RALGAPA2: variants seen among roughly 807,000 people sequenced by gnomAD.
RALGAPA2 encodes the protein ral GTPase-activating protein subunit alpha-2.
A neutral mutation model predicts 230.4 loss-of-function variants in RALGAPA2; 139 were observed. The ratio of observed to expected loss-of-function variants is 0.60; its 90% CI spans 0.53 to 0.69. The LOEUF (loss-of-function observed/expected upper bound fraction) is 0.69. Among genes scored for constraint, RALGAPA2 ranks in the 30% least tolerant of loss-of-function variants. The pLI is 0.00. For synonymous variants in RALGAPA2, 847 were observed against 837.8 expected (o/e 1.01, Z -0.19); for missense variants, 2,163 against 2,276.0 (o/e 0.95, Z 1.01).
intron 37 of RALGAPA2, among the ~76,000 whole-genome samples, chr20:20,424,402 C>A (rs1204227315): frequency 6.6e-6 from 1 of 152,172 alleles, no homozygotes; most frequent in Non-Finnish European, 1.5e-5. Context: ...CAACAGGCTA[C>A]TTCAATGATG....
chr20:20,640,635 A>T, intron 6 of RALGAPA2, 66 bp downstream of exon 6: 1 of 1,445,732 alleles, frequency 6.9e-7, no homozygotes, highest in Non-Finnish European at 9.4e-7. Flanking sequence ...AAAATGAAAA[A>T]GTAAGAATTC....
At chr20:20,653,187 C>G (rs1399821572) in intron 4 of RALGAPA2, among the ~76,000 whole-genome samples, 2 of 115,030 alleles carry the variant, frequency 1.7e-5, no homozygotes, top group Non-Finnish European at 3.5e-5. Context: ...CAGAGCAAGA[C>G]TCCATCTCAA....
intron 36 of RALGAPA2, among the ~76,000 whole-genome samples, chr20:20,491,393 G>C (rs571706916): frequency 5.5e-4 from 83 of 152,208 alleles, no homozygotes; most frequent in African/African-American, 2.0e-3. Context: ...CCTGCTCAAG[G>C]CTGCTTCTGA....
Position 20,521,095 on chromosome 20 carries a change from C to A in RALGAPA2, c.3906G>T (p.Leu1302Phe), listed in dbSNP as rs749063622. 1 of 1,603,900 alleles carries A rather than the reference C, an allele frequency of 6.2e-7. No individual in the cohort carries two copies. The highest frequency in any genetic ancestry group is 1.1e-5 in the South Asian group (1 of 90,588). The stretch of plus-strand genomic sequence containing the variant: ...TGCTTGAGCCACACACACAGCAGTG[C>A]AAAACCTGTGAAAACAGAGGCCATG... Reference protein sequence around the residue: ...APLLDYIYRVLHCCVCGSSTY... With the variant: ...APLLDYIYRVFHCCVCGSSTY... Residue 1302 changes from leucine (L) to phenylalanine (F), a missense_variant, in exon 31 of 40, where the codon TTG (leucine) becomes TTT (phenylalanine). By Grantham distance (22) the Leu-to-Phe change is conservative. Transcript: ENST00000202677.
At chr20:20,442,007 T>C (rs1405688794) in intron 37 of RALGAPA2, among the ~76,000 whole-genome samples, 2 of 152,292 alleles carry the variant, frequency 1.3e-5, no homozygotes, top group Admixed American at 6.5e-5. Flanking sequence ...GGCATAAATA[T>C]TAGTTGGTTT....
intron 1 of RALGAPA2, among the ~76,000 whole-genome samples, chr20:20,707,717 C>T (rs913781421): frequency 6.6e-6 from 1 of 152,082 alleles, no homozygotes; most frequent in African/African-American, 2.4e-5. Flanking sequence ...CTTGATTTGA[C>T]CTGAGTCTGG....
intron 1 of RALGAPA2, among the ~76,000 whole-genome samples, chr20:20,699,094 T>C (rs778119471): frequency 5.3e-5 from 8 of 152,222 alleles, no homozygotes; most frequent in Middle Eastern, 3.2e-3. Flanking sequence ...ACATATATTT[T>C]GAACATTTAT....
intron 37 of RALGAPA2, among the ~76,000 whole-genome samples, chr20:20,439,006 A>G (rs1034600997): frequency 6.6e-6 from 1 of 152,198 alleles, no homozygotes; most frequent in African/African-American, 2.4e-5. Flanking sequence ...TCATTAGGCC[A>G]CTGTCTCTAG....
At chr20:20,519,127 G>A (rs750627786) in intron 31 of RALGAPA2, among the ~76,000 whole-genome samples, 1 of 152,162 alleles carries the variant, frequency 6.6e-6, no homozygotes, top group African/African-American at 2.4e-5. Context: ...AAAACTTTCA[G>A]AGTAAATAAT....
chr20:20,666,377 T>G (rs2067956309), intron 3 of RALGAPA2, among the ~76,000 whole-genome samples: 1 of 152,244 alleles, frequency 6.6e-6, no homozygotes, highest in African/African-American at 2.4e-5. Context: ...CTAAAGCATC[T>G]AAATATTTGA....
At chr20:20,648,287 G>A (rs1258541686) in intron 4 of RALGAPA2, among the ~76,000 whole-genome samples, 3 of 152,032 alleles carry the variant, frequency 2.0e-5, no homozygotes, top group Non-Finnish European at 4.4e-5. Context: ...TCTAGAAAAC[G>A]CAAGCTAGTC....
At chr20:20,563,380 A>G (rs1568583058) in intron 23 of RALGAPA2, among the ~76,000 whole-genome samples, 1 of 152,252 alleles carries the variant, frequency 6.6e-6, no homozygotes, top group Non-Finnish European at 1.5e-5. Flanking sequence ...CATCAATTAC[A>G]GAGCCCTTTA....
chr20:20,595,043 A>G (rs2146139316), intron 16 of RALGAPA2, among the ~76,000 whole-genome samples: 1 of 152,220 alleles, frequency 6.6e-6, no homozygotes, highest in East Asian at 1.9e-4. Flanking sequence ...CTAAAGCTCC[A>G]TTCGAAACAC....
chr20:20,634,558 T>C (rs1568680325), intron 9 of RALGAPA2, among the ~76,000 whole-genome samples: 1 of 152,170 alleles, frequency 6.6e-6, no homozygotes, highest in Non-Finnish European at 1.5e-5. Flanking sequence ...AGGTTCCTAA[T>C]AACCTTGAAG....
chr20:20,682,270 G>A (rs2068547244), intron 1 of RALGAPA2, among the ~76,000 whole-genome samples: 1 of 152,216 alleles, frequency 6.6e-6, no homozygotes. Context: ...CTGTGTGAAA[G>A]CAGGTAGCAA....
At chr20:20,450,696 C>A (rs1277224229) in intron 37 of RALGAPA2, among the ~76,000 whole-genome samples, 1 of 152,042 alleles carries the variant, frequency 6.6e-6, no homozygotes, top group East Asian at 1.9e-4. Context: ...GCAGGGTTGT[C>A]GCCAAGAGTG....
chr20:20,530,761 T>C (rs1051642759), intron 27 of RALGAPA2, among the ~76,000 whole-genome samples: 1 of 152,142 alleles, frequency 6.6e-6, no homozygotes, highest in Non-Finnish European at 1.5e-5. Context: ...GAGGTGGTCA[T>C]TCTAGAGCCT....
At chr20:20,658,931 T>G (rs563471848) in intron 3 of RALGAPA2, among the ~76,000 whole-genome samples, 19 of 152,320 alleles carry the variant, frequency 1.2e-4, no homozygotes, top group African/African-American at 4.3e-4. Flanking sequence ...AAATACTACA[T>G]ACTAACTCAT....
At position 20,571,404 on chromosome 20, in the gene RALGAPA2, G is replaced by A. The variant is rs949613989; in HGVS notation, c.3156+54C>T. On this transcript the variant is annotated intron_variant, in intron 23 of 39. Transcript: ENST00000202677. Reference sequence around the variant, plus strand: ...TAAATATTACTAATGTCTTTAAAGAGTGATATGCTATTTCCAATTAATGGG... The same window carrying A: ...TAAATATTACTAATGTCTTTAAAGAATGATATGCTATTTCCAATTAATGGG... 6.6e-6 allele frequency: 10 copies of A among 1,514,366 alleles called. No homozygotes were observed. The African/African-American group carries it at 1.3e-4, about 19-fold the overall frequency. 93.8% of individuals were successfully genotyped at this position (1,514,366 alleles called of 1,614,324 possible). A position where few individuals can be genotyped will look rare whatever the true frequency, so the allele number is the denominator to read the frequency against.
Sources: allele counts gnomAD v4.1 joint callset (sites outside exome capture counted in the v4.1 genomes callset), GRCh38; gene constraint gnomAD v4.1.1; transcripts MANE v1.5; gene names NCBI Gene and HGNC (gene_info 2026-07-23, HGNC 2026-07-21).